The following FCHSD2 variants were observed in gnomAD, a reference collection of about 807,000 sequenced individuals.
FCHSD2 encodes FCH and double SH3 domains 2, also known as F-BAR and double SH3 domains protein 2.
A neutral mutation model predicts 108.1 loss-of-function variants in FCHSD2; 38 were observed. That is an observed-to-expected ratio of 0.35 (90% CI 0.27 to 0.46). The LOEUF (loss-of-function observed/expected upper bound fraction) is 0.46. Among genes scored for constraint, FCHSD2 ranks in the 20% least tolerant of loss-of-function variants. FCHSD2 has a pLI of 1.00. For synonymous variants in FCHSD2, 279 were observed against 314.7 expected (o/e 0.89, Z 1.20); for missense variants, 751 against 897.8 (o/e 0.84, Z 2.09).
At chr11:73,053,145 CTTTT>C (rs771262833) in intron 3 of FCHSD2, among the ~76,000 whole-genome samples, 6 of 102,966 alleles carry the variant, frequency 5.8e-5, no homozygotes, top group Non-Finnish European at 6.1e-5. Flanking sequence ...TGCACCCAGC[CTTTT>C]TTTTTTTTTT....
chr11:72,909,852 G>C (rs1384591940), intron 9 of FCHSD2, among the ~76,000 whole-genome samples: 1 of 149,224 alleles, frequency 6.7e-6, no homozygotes, highest in Non-Finnish European at 1.5e-5. Context: ...CCCCATCTGG[G>C]AAGTGAGGAG....
chr11:72,977,641 GT>G (rs758863227), intron 8 of FCHSD2, among the ~76,000 whole-genome samples: 3 of 152,266 alleles, frequency 2.0e-5, no homozygotes, highest in Non-Finnish European at 4.4e-5. Context: ...TCTCACACCA[GT>G]TAGAATGGCA....
intron 3 of FCHSD2, among the ~76,000 whole-genome samples, chr11:73,077,232 T>TA (rs536552479): frequency 3.6e-4 from 54 of 151,024 alleles, no homozygotes; most frequent in African/African-American, 8.7e-4. Context: ...CAACCCAATT[T>TA]AAAAAAAAAT....
At chr11:72,916,320 T>A (rs1175779498) in intron 9 of FCHSD2, among the ~76,000 whole-genome samples, 2 of 150,416 alleles carry the variant, frequency 1.3e-5, no homozygotes, top group Non-Finnish European at 3.0e-5. Flanking sequence ...TTTTTTTTTT[T>A]TTTTAAAGAG....
intron 8 of FCHSD2, among the ~76,000 whole-genome samples, chr11:72,954,156 G>C (rs1011098477): frequency 1.3e-5 from 2 of 150,108 alleles, no homozygotes; most frequent in Non-Finnish European, 3.0e-5. Flanking sequence ...AGATAATAAT[G>C]GTGGCTTAGA....
rs1469641993 is a variant in FCHSD2 at position 73,140,030 on chromosome 11, C to A, written c.119+1G>T. On this transcript the variant is annotated splice_donor_variant, in intron 2 of 19. Transcript: ENST00000409418. LOFTEE classifies it high-confidence loss of function. ...CCTTGAACTATTTACTATAGCCTTACCTCATATCTTCAAGCAAATCACATT... is the reference window on the plus strand; with the variant it reads ...CCTTGAACTATTTACTATAGCCTTAACTCATATCTTCAAGCAAATCACATT... The A allele has an allele frequency of 6.6e-7, 1 of 1,510,586 alleles. No homozygotes were observed. Among genetic ancestry groups the A allele is most frequent in the Non-Finnish European group, 9.0e-7 (1 of 1,115,936 alleles). The allele number at this position is 1,510,586 out of a possible 1,614,324, so 93.6% of individuals were successfully genotyped here. A position where few individuals can be genotyped will look rare whatever the true frequency, so the allele number is the denominator to read the frequency against.
chr11:72,978,304 T>C (rs1175871108), intron 8 of FCHSD2, among the ~76,000 whole-genome samples: 1 of 150,522 alleles, frequency 6.6e-6, no homozygotes, highest in Non-Finnish European at 1.5e-5. Context: ...GAACTTAAAG[T>C]ATAATAAAAA....
intron 2 of FCHSD2, among the ~76,000 whole-genome samples, chr11:73,088,585 T>C (rs552903485): frequency 8.5e-5 from 13 of 152,284 alleles, no homozygotes; most frequent in East Asian, 5.8e-4. Flanking sequence ...TTAGTAAACA[T>C]ATAATGTTTG....
At chr11:72,973,195 C>T (rs1857038925) in intron 8 of FCHSD2, among the ~76,000 whole-genome samples, 1 of 152,002 alleles carries the variant, frequency 6.6e-6, no homozygotes, top group Non-Finnish European at 1.5e-5. Flanking sequence ...TGGAGAAACC[C>T]CGTCTCTACT....
At chr11:72,887,250 G>C (rs1855216529) in intron 12 of FCHSD2, among the ~76,000 whole-genome samples, 1 of 151,882 alleles carries the variant, frequency 6.6e-6, no homozygotes, top group Admixed American at 6.6e-5. Context: ...TAAATCTTTT[G>C]TATTTAATGT....
chr11:73,002,119 G>A (rs1268422937), intron 4 of FCHSD2, among the ~76,000 whole-genome samples: 1 of 152,064 alleles, frequency 6.6e-6, no homozygotes, highest in African/African-American at 2.4e-5. Context: ...CAACATGTGG[G>A]ACTAAATGCT....
At chr11:73,051,319 A>G (rs779794159) in intron 3 of FCHSD2, among the ~76,000 whole-genome samples, 11 of 152,202 alleles carry the variant, frequency 7.2e-5, no homozygotes, top group Non-Finnish European at 1.5e-4. Flanking sequence ...TAGCTCTAAA[A>G]AATAAAAAAA....
intron 8 of FCHSD2, among the ~76,000 whole-genome samples, chr11:72,976,442 C>T (rs573333024): frequency 2.6e-5 from 4 of 152,150 alleles, no homozygotes; most frequent in East Asian, 3.9e-4. Context: ...CAAGCACGTG[C>T]TAATTTTTAA....
At chr11:73,010,677 T>C (rs1298084741) in intron 4 of FCHSD2, among the ~76,000 whole-genome samples, 2 of 152,204 alleles carry the variant, frequency 1.3e-5, no homozygotes, top group East Asian at 1.9e-4. Context: ...GTTTGTAATT[T>C]ATTCAGTGGT....
chr11:73,013,151 G>A (rs891864060), intron 4 of FCHSD2, among the ~76,000 whole-genome samples: 1 of 152,106 alleles, frequency 6.6e-6, no homozygotes, highest in African/African-American at 2.4e-5. Flanking sequence ...CTTTTATGAT[G>A]CCTACCTATG....
intron 4 of FCHSD2, 132 bp from the exon 5 acceptor site, chr11:73,001,266 G>GC: frequency 2.7e-6 from 2 of 736,098 alleles, no homozygotes; most frequent in Non-Finnish European, 4.5e-6. Flanking sequence ...TGGCTTATAG[G>GC]CAATATGTCA....
intron 8 of FCHSD2, among the ~76,000 whole-genome samples, chr11:72,943,792 T>C (rs1003376213): frequency 2.6e-5 from 4 of 152,352 alleles, no homozygotes; most frequent in African/African-American, 9.6e-5. Context: ...ATTTTATTAG[T>C]TCATTAACTA....
chr11:73,001,415 A>G (rs537806473), intron 4 of FCHSD2, among the ~76,000 whole-genome samples: 1 of 152,200 alleles, frequency 6.6e-6, no homozygotes, highest in Admixed American at 6.5e-5. Context: ...AAATTAGTGA[A>G]TATTTCAGAC....
At chr11:73,027,060 G>GT (rs1314743158) in intron 3 of FCHSD2, among the ~76,000 whole-genome samples, 1 of 152,108 alleles carries the variant, frequency 6.6e-6, no homozygotes, top group Non-Finnish European at 1.5e-5. Flanking sequence ...GAGACATGGC[G>GT]TATTTCTATA....
Sources: allele counts gnomAD v4.1 joint callset (sites outside exome capture counted in the v4.1 genomes callset), GRCh38; gene constraint gnomAD v4.1.1; transcripts MANE v1.5; gene names NCBI Gene and HGNC (gene_info 2026-07-23, HGNC 2026-07-21).